Variants in SYNPR observed in about 807,000 individuals in gnomAD.
The protein encoded by SYNPR is synaptoporin.
In SYNPR, 23 loss-of-function variants were observed where a neutral mutation model predicts 32.9. The observed-to-expected ratio is 0.70, with a 90% CI of 0.50 to 0.99. SYNPR has a LOEUF of 0.99. Ranked by LOEUF, SYNPR falls within the 50% of genes least tolerant of loss-of-function variation. The pLI, the probability that SYNPR is intolerant of heterozygous loss-of-function variation, is 0.00. For missense variants in SYNPR, 318 were observed against 349.3 expected (o/e 0.91, Z 0.71); for synonymous variants, 146 against 135.9 (o/e 1.07, Z -0.52).
At chr3:63,217,683 C>T in the SYNPR span, among the ~76,000 whole-genome samples, 2 of 151,972 alleles carry the variant, frequency 1.3e-5, no homozygotes. Flanking sequence ...GTCGCTCACG[C>T]TGGGAGCTGT....
At chr3:63,519,654 A>G (rs1217666481) in intron 3 of SYNPR, among the ~76,000 whole-genome samples, 1 of 152,198 alleles carries the variant, frequency 6.6e-6, no homozygotes, top group African/African-American at 2.4e-5. Context: ...TCCCAACTGC[A>G]TCATAGCGGT....
At chr3:63,516,740 G>A (rs1701807668) in intron 3 of SYNPR, among the ~76,000 whole-genome samples, 1 of 152,040 alleles carries the variant, frequency 6.6e-6, no homozygotes, top group African/African-American at 2.4e-5. Flanking sequence ...AGTTCCAAAA[G>A]CAGAGGAGAA....
At chr3:63,433,808 C>T (rs2107148916) in intron 2 of SYNPR, among the ~76,000 whole-genome samples, 1 of 152,224 alleles carries the variant, frequency 6.6e-6, no homozygotes, top group African/African-American at 2.4e-5. Flanking sequence ...ATGGATTACC[C>T]TCATATCATA....
At chr3:63,348,962 T>C (rs1575606117) in intron 2 of SYNPR, among the ~76,000 whole-genome samples, 1 of 152,230 alleles carries the variant, frequency 6.6e-6, no homozygotes. Context: ...TCTAGCTTTG[T>C]TAATTTTGCT....
At chr3:63,208,042 CACAA>C in the SYNPR span, among the ~76,000 whole-genome samples, 2 of 142,492 alleles carry the variant, frequency 1.4e-5, no homozygotes, top group Admixed American at 1.5e-4. Context: ...CAAACACACA[CACAA>C]ACACACACAC....
At chr3:63,289,834 A>G (rs1454351001) in intron 2 of SYNPR, among the ~76,000 whole-genome samples, 1 of 152,192 alleles carries the variant, frequency 6.6e-6, no homozygotes, top group South Asian at 2.1e-4. Flanking sequence ...AAAGACTAAT[A>G]AAAAACTCCT....
intron 2 of SYNPR, among the ~76,000 whole-genome samples, chr3:63,405,250 T>C (rs1376011442): frequency 1.3e-5 from 2 of 152,030 alleles, no homozygotes; most frequent in Non-Finnish European, 2.9e-5. Flanking sequence ...AATGGGAAAA[T>C]AGTAAACCAT....
At chr3:63,282,396 C>T (rs962318291) in intron 2 of SYNPR, among the ~76,000 whole-genome samples, 1 of 152,020 alleles carries the variant, frequency 6.6e-6, no homozygotes, top group African/African-American at 2.4e-5. Context: ...ACAAGATATG[C>T]TATGTGTTAT....
chr3:63,227,122 A>C (rs1021353360), upstream of SYNPR, among the ~76,000 whole-genome samples: 1 of 152,244 alleles, frequency 6.6e-6, no homozygotes, highest in African/African-American at 2.4e-5. Flanking sequence ...GGGACTTCAA[A>C]ACTGGGATAG....
chr3:63,448,305 T>G (rs1354536659), intron 2 of SYNPR, among the ~76,000 whole-genome samples: 1 of 152,202 alleles, frequency 6.6e-6, no homozygotes, highest in Non-Finnish European at 1.5e-5. Context: ...TTCCCAACCT[T>G]ACACAATCTT....
chr3:63,248,653 T>C (rs1304554703), intron 1 of SYNPR, among the ~76,000 whole-genome samples: 2 of 152,300 alleles, frequency 1.3e-5, no homozygotes, highest in African/African-American at 2.4e-5. Context: ...GTTCTATCGA[T>C]TGTTGTGGAA....
Position 63,360,330 on chromosome 3 carries a change from A to G in SYNPR, c.84+81588A>G, listed in dbSNP as rs6445339. 5.3e-5 allele frequency among the ~76,000 whole-genome samples: 8 copies of G among 152,166 alleles called. No homozygotes were observed. The East Asian group carries it at 1.5e-3, about 29-fold the overall frequency. On this transcript the variant is annotated intron_variant, in intron 2 of 5. Coordinates refer to ENST00000478300, the MANE Select transcript of SYNPR (RefSeq NM_001130003.2). ...GACCACTGCTCACCTCCCACAATGG[A>G]CTGCCAACCAAGAGCCCTCCTATCT...
intron 4 of SYNPR, among the ~76,000 whole-genome samples, chr3:63,575,026 T>C (rs778331748): frequency 6.6e-6 from 1 of 152,036 alleles, no homozygotes; most frequent in Non-Finnish European, 1.5e-5. Flanking sequence ...TGACTGTGTA[T>C]GTGCCACATA....
intron 3 of SYNPR, among the ~76,000 whole-genome samples, chr3:63,503,733 T>C (rs1701529256): frequency 6.6e-6 from 1 of 152,044 alleles, no homozygotes; most frequent in South Asian, 2.1e-4. Context: ...GATTAAAAAG[T>C]ATAGAAGAGT....
chr3:63,526,952 T>C (rs2106782429), intron 3 of SYNPR, among the ~76,000 whole-genome samples: 1 of 152,278 alleles, frequency 6.6e-6, no homozygotes, highest in Admixed American at 6.5e-5. Flanking sequence ...GAGACAGCCA[T>C]GGGCACCACG....
intron 5 of SYNPR, among the ~76,000 whole-genome samples, chr3:63,612,549 A>C (rs1161299758): frequency 2.6e-5 from 4 of 152,152 alleles, no homozygotes; most frequent in African/African-American, 7.2e-5. Context: ...GTTGTCCCCA[A>C]GTCTGAGCTT....
upstream of SYNPR, among the ~76,000 whole-genome samples, chr3:63,226,236 T>G (rs2086127301): frequency 1.3e-5 from 2 of 152,150 alleles, no homozygotes; most frequent in African/African-American, 2.4e-5. Context: ...AAGGGAACTC[T>G]TATACATTGT....
chr3:63,455,756 GGTGTGT>G (rs370244005), intron 2 of SYNPR, among the ~76,000 whole-genome samples: 18 of 144,374 alleles, frequency 1.2e-4, no homozygotes, highest in African/African-American at 2.1e-4. Context: ...TCATGTTTGG[GGTGTGT>G]GTGTGTGTGT....
chr3:63,540,920 T>TCC (rs78477531), intron 3 of SYNPR, among the ~76,000 whole-genome samples: 1 of 109,894 alleles, frequency 9.1e-6, no homozygotes, highest in African/African-American at 3.7e-5. Flanking sequence ...ACACACACAA[T>TCC]CCCCCCCCCA....
Sources: gnomAD v4.1 joint callset for allele counts (sites outside exome capture counted in the v4.1 genomes callset) on GRCh38, gnomAD v4.1.1 for gene constraint, MANE v1.5 for transcripts, NCBI Gene and HGNC (gene_info 2026-07-23, HGNC 2026-07-21) for gene names.